Variants in PCDHGB2 observed in about 807,000 individuals in gnomAD.
The protein encoded by PCDHGB2 is protocadherin gamma subfamily B, 2.
A neutral mutation model predicts 59.3 loss-of-function variants in PCDHGB2; 55 were observed. The observed-to-expected ratio is 0.93, with a 90% CI of 0.75 to 1.16. The LOEUF (loss-of-function observed/expected upper bound fraction) is 1.16. PCDHGB2 is among the 50% of genes most tolerant of loss of function. PCDHGB2 has a pLI of 0.00. For missense variants in PCDHGB2, 1,228 were observed against 1,198.5 expected (o/e 1.02, Z -0.36); for synonymous variants, 516 against 512.0 (o/e 1.01, Z -0.11).
intron 1 of PCDHGB2, among the ~76,000 whole-genome samples, chr5:141,387,190 T>C (rs2090856336): frequency 1.3e-5 from 2 of 152,124 alleles, no homozygotes; most frequent in African/African-American, 2.4e-5. Context: ...AAAAGGCAAT[T>C]TTGGTATTAC....
At chr5:141,430,252 A>C (rs1292590200) in intron 1 of PCDHGB2, among the ~76,000 whole-genome samples, 1 of 102,244 alleles carries the variant, frequency 9.8e-6, no homozygotes, top group Admixed American at 1.0e-4. Context: ...CTAGGGAGAC[A>C]TCTCCATAAT....
rs1561685937 is a variant in PCDHGB2 at position 141,403,112 on chromosome 5, C to T, written c.2421+40556C>T. On this transcript the variant is annotated intron_variant, in intron 1 of 3. Coordinates refer to ENST00000522605, the MANE Select transcript of PCDHGB2 (RefSeq NM_018923.3). ...GGGCAACATCTCCAAGGACCTGGCT[C>T]TGGAGCCCCGGGAGCTGGCGGAGCG... 5.6e-6 allele frequency: 9 copies of T among 1,614,074 alleles called. No individual in the cohort carries two copies. In the East Asian group the frequency reaches 2.0e-4, roughly 36 times the overall value.
Position 141,511,315 on chromosome 5 carries a change from G to A in PCDHGB2, c.*142G>A. ...AAGGCCATGCTCCCCTTGGGAAACA[G>A]AAACAAGTGCCCAGTCAGCACCTAC... On this transcript the variant is annotated 3_prime_UTR_variant, in exon 4 of 4. Coordinates refer to ENST00000522605, the MANE Select transcript of PCDHGB2 (RefSeq NM_018923.3). 6.8e-7 allele frequency: 1 copy of A among 1,481,384 alleles called. No individual in the cohort carries two copies. Among genetic ancestry groups the A allele is most frequent in the Non-Finnish European group, 9.0e-7 (1 of 1,110,974 alleles). 91.8% of individuals were successfully genotyped at this position (1,481,384 alleles called of 1,614,324 possible).
chr5:141,509,148 C>T (rs1345910772), intron 3 of PCDHGB2, among the ~76,000 whole-genome samples: 1 of 152,198 alleles, frequency 6.6e-6, no homozygotes, highest in Non-Finnish European at 1.5e-5. Context: ...CATCCCGGCT[C>T]TCCCCTCCCG....
chr5:141,394,466 C>G lies in PCDHGB2; in HGVS notation c.2421+31910C>G, dbSNP rs765078363. 3.7e-6 allele frequency: 6 copies of G among 1,614,222 alleles called. 1 individual carries two copies. Among genetic ancestry groups the G allele is most frequent in the East Asian group, 4.5e-5 (2 of 44,878 alleles). On this transcript the variant is annotated intron_variant, in intron 1 of 3. Transcript: ENST00000522605. The stretch of plus-strand genomic sequence containing the variant: ...GCAGCAACATGTCACTGAGCCTGTT[C>G]GTGCTGGACCAGAATGACAACGCGC...
intron 1 of PCDHGB2, chr5:141,421,282 A>G (rs762064258): frequency 7.4e-6 from 12 of 1,613,034 alleles, no homozygotes; most frequent in Non-Finnish European, 1.0e-5. Context: ...GCTGCTGTGC[A>G]TTTTCCTGGG....
intron 1 of PCDHGB2, chr5:141,404,496 A>G (rs773471878): frequency 2.7e-5 from 43 of 1,613,778 alleles, no homozygotes; most frequent in East Asian, 2.2e-5. Context: ...GGTGTGCTGT[A>G]TGCTCTGTGC....
chr5:141,420,960 T>C, intron 1 of PCDHGB2: 1 of 425,378 alleles, frequency 2.4e-6, no homozygotes, highest in East Asian at 3.9e-5. Context: ...TCTTAGTCGT[T>C]GCAATAATAA....
chr5:141,423,766 C>A, intron 1 of PCDHGB2: 1 of 1,110,086 alleles, frequency 9.0e-7, no homozygotes, highest in Non-Finnish European at 1.1e-6. Context: ...GGGGGTGGGG[C>A]GGCATATATT....
At chr5:141,451,610 G>T (rs184745360) in intron 1 of PCDHGB2, among the ~76,000 whole-genome samples, 60 of 152,298 alleles carry the variant, frequency 3.9e-4, no homozygotes, top group African/African-American at 1.3e-3. Context: ...GGCTAGGCAT[G>T]GTGGCTCAAA....
Position 141,431,954 on chromosome 5 carries a change from G to T in PCDHGB2, c.2422-62853G>T. On this transcript the variant is annotated intron_variant, in intron 1 of 3. Coordinates refer to ENST00000522605, the MANE Select transcript of PCDHGB2 (RefSeq NM_018923.3). The surrounding 1 kb of genome is among the most constrained non-coding windows in gnomAD (Gnocchi z 4.8). Reference sequence around the variant, plus strand: ...GCCCTTTAAATTAGAAAAATCTTACGGAAATTACTATAGTTTAGTCACAGA... The same window carrying T: ...GCCCTTTAAATTAGAAAAATCTTACTGAAATTACTATAGTTTAGTCACAGA... The T allele has an allele frequency of 6.2e-7, 1 of 1,614,110 alleles. No homozygotes were observed. Among genetic ancestry groups the T allele is most frequent in the Non-Finnish European group, 8.5e-7 (1 of 1,180,010 alleles).
intron 1 of PCDHGB2, chr5:141,375,797 T>A: frequency 6.2e-7 from 1 of 1,614,192 alleles, no homozygotes; most frequent in Non-Finnish European, 8.5e-7. Flanking sequence ...CACAGACGGT[T>A]CCACTGGCGT....
At position 141,371,601 on chromosome 5, in the gene PCDHGB2, A is replaced by G. The variant is rs770903429; in HGVS notation, c.2421+9045A>G. 5 of 1,613,988 alleles carry G rather than the reference A, an allele frequency of 3.1e-6. No homozygotes were observed. The East Asian group carries it at 8.9e-5, about 29-fold the overall frequency. ...CGTTCAAGATACCAAAAACACATAC[A>G]GGTTGGTGACAGATGGAGCCCTGGA... On this transcript the variant is annotated intron_variant, in intron 1 of 3. Transcript: ENST00000522605.
At chr5:141,400,189 C>G (rs376855933) in intron 1 of PCDHGB2, 2 of 1,614,056 alleles carry the variant, frequency 1.2e-6, no homozygotes, top group Non-Finnish European at 1.7e-6. Flanking sequence ...GCAGTTTTAC[C>G]TAGTGGTGGC....
At chr5:141,412,890 T>G (rs2095584785) in intron 1 of PCDHGB2, 1 of 330,212 alleles carries the variant, frequency 3.0e-6, no homozygotes, top group Non-Finnish European at 5.4e-6. Context: ...AACAGAATAG[T>G]TTACTTTCCA....
At position 141,400,548 on chromosome 5, in the gene PCDHGB2, T is replaced by G. The variant is rs551157559; in HGVS notation, c.2421+37992T>G. On this transcript the variant is annotated intron_variant, in intron 1 of 3. Transcript: ENST00000522605. ...TGGTGAGTTTCATTTATGTCTATTC[T>G]TTTTCATTACCCACCCAATTTTCTG... is the stretch of plus-strand genomic sequence containing the variant. 3.3e-4 allele frequency: 529 copies of G among 1,613,654 alleles called. 1 individual carries two copies. In the South Asian group the frequency reaches 4.9e-3, roughly 15 times the overall value.
chr5:141,472,980 C>CAAAAAAAAAAA (rs60579131), intron 1 of PCDHGB2, among the ~76,000 whole-genome samples: 11 of 86,030 alleles, frequency 1.3e-4, no homozygotes, highest in Non-Finnish European at 1.3e-4. Flanking sequence ...GAGTGAAACT[C>CAAAAAAAAAAA]AAAAAAAAAA....
chr5:141,472,602 T>A (rs1032061805), intron 1 of PCDHGB2, among the ~76,000 whole-genome samples: 1 of 152,026 alleles, frequency 6.6e-6, no homozygotes, highest in South Asian at 2.1e-4. Context: ...CTTGAAATTA[T>A]AAAACAAAGA....
chr5:141,372,879 G>T (rs1269761634), intron 1 of PCDHGB2: 2 of 1,265,292 alleles, frequency 1.6e-6, no homozygotes, highest in Admixed American at 2.7e-5. Context: ...GAGATAAAAA[G>T]AATACAGATT....
Sources: gnomAD v4.1 joint callset for allele counts (sites outside exome capture counted in the v4.1 genomes callset) on GRCh38, gnomAD v4.1.1 for gene constraint, Gnocchi (gnomAD v3.1) non-coding constraint, MANE v1.5 for transcripts, NCBI Gene and HGNC (gene_info 2026-07-23, HGNC 2026-07-21) for gene names.